MCCC1: variants seen among roughly 807,000 people sequenced by gnomAD.
The protein encoded by MCCC1 is methylcrotonoyl-CoA carboxylase subunit alpha, mitochondrial.
Under a neutral mutation model 83.8 loss-of-function variants are expected in MCCC1, and 64 were observed. The ratio of observed to expected loss-of-function variants is 0.76; its 90% CI spans 0.62 to 0.94. The LOEUF (loss-of-function observed/expected upper bound fraction) is 0.94, where lower values mean the gene tolerates loss of function less well. Ranked by LOEUF, MCCC1 falls within the 40% of genes least tolerant of loss-of-function variation. The probability of loss-of-function intolerance (pLI) is 0.00; values close to 1 mark genes in which losing one functional copy is unlikely to be tolerated. For missense variants in MCCC1, 807 were observed against 904.7 expected, an observed-to-expected ratio of 0.89 and a Z score of 1.39; for synonymous variants, 322 against 315.4, an observed-to-expected ratio of 1.02 and a Z score of -0.22.
Position 183,015,357 on chromosome 3 carries a change from A to AC in MCCC1, c.*80dup, listed in dbSNP as rs1711532904. The stretch of plus-strand genomic sequence containing the variant: ...ATTTAGTAAAACTGCTCTTTATGAG[A>AC]CCCCCAGAAAAGCTGGAGGCACTTC... On this transcript the variant is annotated 3_prime_UTR_variant, in exon 19 of 19. Coordinates refer to ENST00000265594, the MANE Select transcript of MCCC1 (RefSeq NM_020166.5). 2.0e-6 allele frequency: 3 copies of AC among 1,470,344 alleles called. No individual in the cohort carries two copies. The highest frequency in any genetic ancestry group is 2.9e-6 in the Non-Finnish European group (3 of 1,050,180). 91.1% of individuals were successfully genotyped at this position (1,470,344 alleles called of 1,614,324 possible).
At chr3:183,017,137 C>T in intron 18 of MCCC1, 129 bp downstream of exon 18, 1 of 881,518 alleles carries the variant, frequency 1.1e-6, no homozygotes, top group Admixed American at 1.8e-5. Flanking sequence ...TTGTTTCCTA[C>T]AATTAATGCT....
chr3:183,056,156 C>A (rs777285237), intron 8 of MCCC1, among the ~76,000 whole-genome samples: 5 of 152,054 alleles, frequency 3.3e-5, no homozygotes, highest in Non-Finnish European at 7.4e-5. Flanking sequence ...GGCTTTACTG[C>A]AATTTCTATT....
intron 1 of MCCC1, among the ~76,000 whole-genome samples, chr3:183,107,782 T>C (rs908418698): frequency 6.6e-6 from 1 of 152,024 alleles, no homozygotes; most frequent in Non-Finnish European, 1.5e-5. Flanking sequence ...ACTCCTGACC[T>C]CAAGTGATCC....
intron 9 of MCCC1, among the ~76,000 whole-genome samples, chr3:183,050,964 T>C (rs1008977709): frequency 6.6e-6 from 1 of 152,124 alleles, no homozygotes; most frequent in African/African-American, 2.4e-5. Context: ...ATTAGGGAAG[T>C]GCAAATTAAA....
intron 18 of MCCC1, among the ~76,000 whole-genome samples, chr3:183,015,911 GTTTT>G (rs549666072): frequency 7.4e-6 from 1 of 135,534 alleles, no homozygotes; most frequent in Non-Finnish European, 1.6e-5. Flanking sequence ...GCTTGCTTTT[GTTTT>G]TTTTTTTTTG....
intron 1 of MCCC1, among the ~76,000 whole-genome samples, chr3:183,097,974 G>GC (rs1718863923): frequency 6.6e-6 from 1 of 152,090 alleles, no homozygotes; most frequent in Non-Finnish European, 1.5e-5. Flanking sequence ...GAGTGCAGTG[G>GC]CGTGATCTTA....
chr3:183,024,803 G>A (rs1712449012), intron 15 of MCCC1, among the ~76,000 whole-genome samples: 2 of 151,826 alleles, frequency 1.3e-5, no homozygotes, highest in Admixed American at 1.3e-4. Context: ...TATATCCAAA[G>A]GACAAAAAAC....
At chr3:183,066,170 T>C (rs1716243615) in intron 7 of MCCC1, among the ~76,000 whole-genome samples, 1 of 152,232 alleles carries the variant, frequency 6.6e-6, no homozygotes, top group Admixed American at 6.5e-5. Context: ...ATTATAACTG[T>C]TACATAAAAC....
At chr3:183,028,009 C>T (rs1011026342) in intron 14 of MCCC1, among the ~76,000 whole-genome samples, 2 of 152,174 alleles carry the variant, frequency 1.3e-5, no homozygotes, top group African/African-American at 4.8e-5. Flanking sequence ...GAGGAAGATG[C>T]CATCTAGGAC....
Position 183,041,680 on chromosome 3 carries a change from C to G in MCCC1, c.1154G>C (p.Arg385Thr). Reference sequence around the variant, plus strand: ...ATTGCTAGGATCTTCTGCATATATTCTAGCTTCGAAGGCATGGCCCTGCAG... The same window carrying G: ...ATTGCTAGGATCTTCTGCATATATTGTAGCTTCGAAGGCATGGCCCTGCAG... ...ITLQGHAFEA[R>T]IYAEDPSNNF... Residue 385 changes from arginine to threonine, a missense_variant, in exon 11 of 19, where the codon AGA becomes ACA. Arg to Thr is a moderately conservative substitution (Grantham distance 71). Coordinates refer to ENST00000265594, the MANE Select transcript of MCCC1 (RefSeq NM_020166.5). The G allele has an allele frequency of 6.2e-7, 1 of 1,614,200 alleles. No homozygotes were observed. The highest frequency in any genetic ancestry group is 8.5e-7 in the Non-Finnish European group (1 of 1,180,026).
intron 4 of MCCC1, among the ~76,000 whole-genome samples, chr3:183,078,369 C>A (rs1274345848): frequency 6.6e-6 from 1 of 152,114 alleles, no homozygotes; most frequent in Non-Finnish European, 1.5e-5. Context: ...GTTACATAAG[C>A]TTTTCAAAAA....
At chr3:183,041,471 A>G (rs1435608547) in intron 11 of MCCC1, 96 bp downstream of exon 11, 1 of 1,286,564 alleles carries the variant, frequency 7.8e-7, no homozygotes, top group Non-Finnish European at 1.1e-6. Flanking sequence ...AATATGCTAG[A>G]CAGTTCTGTA....
upstream of MCCC1, among the ~76,000 whole-genome samples, chr3:183,102,252 G>A (rs554306580): frequency 2.0e-5 from 3 of 152,210 alleles, 1 homozygote; most frequent in South Asian, 6.2e-4. Context: ...TGTAGTCCCA[G>A]CTACTCGGGA....
intron 1 of MCCC1, among the ~76,000 whole-genome samples, chr3:183,110,077 C>G (rs1719469212): frequency 6.6e-6 from 1 of 152,122 alleles, no homozygotes; most frequent in Admixed American, 6.5e-5. Context: ...TGTTCATGTC[C>G]TTTGCCCATT....
chr3:183,045,558 A>G lies in MCCC1; in HGVS notation c.956-18T>C. ...CACAGTCCCTAAAAGGTAAAAAACA[A>G]TGGTCATATTCAATAGTGTATAATC... On this transcript the variant is annotated intron_variant, in intron 9 of 18. Transcript: ENST00000265594. 1 of 1,613,116 alleles carries G rather than the reference A, an allele frequency of 6.2e-7. No homozygotes were observed. The highest frequency in any genetic ancestry group is 8.5e-7 in the Non-Finnish European group (1 of 1,179,342).
Position 183,037,316 on chromosome 3 carries a change from C to A in MCCC1, c.1496G>T (p.Ser499Ile). 1 of 1,614,014 alleles carries A rather than the reference C, an allele frequency of 6.2e-7. No homozygotes were observed. The highest frequency in any genetic ancestry group is 8.5e-7 in the Non-Finnish European group (1 of 1,180,050). Residue 499 changes from serine to isoleucine, a missense_variant, in exon 13 of 19, where the codon AGT (serine) becomes ATT (isoleucine). Physicochemically the swap from Ser to Ile is moderately radical, Grantham distance 142. Transcript: ENST00000265594. ...IPQHHKQLLLSRKAAAKESLC... is the reference protein window; with the variant it reads ...IPQHHKQLLLIRKAAAKESLC... ...AGACTCTTTGGCTGCAGCCTTCCGA[C>A]TGAGCAACAACTGTTTGTGGTGTTG...
intron 1 of MCCC1, among the ~76,000 whole-genome samples, chr3:183,112,435 G>A (rs894722382): frequency 9.9e-5 from 15 of 152,114 alleles, no homozygotes; most frequent in Non-Finnish European, 1.8e-4. Context: ...TACCATCACA[G>A]CAGACACAAC....
At position 183,071,247 on chromosome 3, in the gene MCCC1, G is replaced by C; in HGVS notation, c.602C>G (p.Pro201Arg). The change falls in exon 6 of 19, where the codon CCT (proline) becomes CGT (arginine). Residue 201 changes from proline (P) to arginine (R), a missense_variant. Coordinates refer to ENST00000265594, the MANE Select transcript of MCCC1 (RefSeq NM_020166.5). Reference sequence around the variant, plus strand: ...ACCCCGGACGGCTTTAATCATGACAGGATAGCCAATTCTCCTGGCGTGTTC... The same window carrying C: ...ACCCCGGACGGCTTTAATCATGACACGATAGCCAATTCTCCTGGCGTGTTC... The part of the protein sequence containing the change: ...LKEHARRIGY[P>R]VMIKAVRGGG... The C allele has an allele frequency of 6.2e-7, 1 of 1,614,200 alleles. No individual in the cohort carries two copies. The highest frequency in any genetic ancestry group is 1.3e-5 in the African/African-American group (1 of 75,058).
At chr3:183,110,248 AT>A (rs1326125876) in intron 1 of MCCC1, among the ~76,000 whole-genome samples, 1 of 152,098 alleles carries the variant, frequency 6.6e-6, no homozygotes, top group Admixed American at 6.6e-5. Flanking sequence ...CTGTAGTTTA[AT>A]TAGGTCCTAC....
Sources: gnomAD v4.1 joint callset for allele counts (sites outside exome capture counted in the v4.1 genomes callset) on GRCh38, gnomAD v4.1.1 for gene constraint, MANE v1.5 for transcripts, NCBI Gene and HGNC (gene_info 2026-07-23, HGNC 2026-07-21) for gene names.